Variants in ACOXL observed in about 807,000 individuals in gnomAD.
ACOXL encodes the protein acyl-coenzyme A oxidase-like protein.
ACOXL carries 70 observed loss-of-function variants against 71.9 expected under a neutral mutation model. The observed-to-expected ratio is 0.97, with a 90% CI of 0.80 to 1.19. ACOXL has a LOEUF of 1.19. Ranked by LOEUF, ACOXL falls within the 50% of genes most tolerant of loss-of-function variation. ACOXL has a pLI of 0.00. For missense variants in ACOXL, 703 were observed against 736.3 expected (o/e 0.95, Z 0.52); for synonymous variants, 253 against 281.6 (o/e 0.90, Z 1.02).
chr2:110,799,316 G>T (rs577363873), intron 7 of ACOXL, among the ~76,000 whole-genome samples: 1 of 152,322 alleles, frequency 6.6e-6, no homozygotes, highest in Admixed American at 6.5e-5. Flanking sequence ...ATTGGTCTCA[G>T]TTTCTTCCAG....
chr2:111,066,884 A>C lies in ACOXL; in HGVS notation c.1440+17596A>C, dbSNP rs549889902. On this transcript the variant is annotated intron_variant, in intron 16 of 17. Coordinates refer to ENST00000439055, the MANE Select transcript of ACOXL (RefSeq NM_001142807.4). ...GATATGAAATAATACAATTATACAT[A>C]AAACAAGACACAACTATAGGAAAAT... Among the ~76,000 whole-genome samples, 139 of 152,324 alleles carry C rather than the reference A, an allele frequency of 9.1e-4. 1 individual carries two copies. Among genetic ancestry groups the C allele is most frequent in the African/African-American group, 3.0e-3 (124 of 41,580 alleles).
chr2:110,839,971 G>GGTTTGTCGTTGTTGTT (rs1559329425), intron 9 of ACOXL, among the ~76,000 whole-genome samples: 1 of 149,638 alleles, frequency 6.7e-6, no homozygotes, highest in African/African-American at 2.5e-5. Context: ...ATGATGCTTA[G>GGTTTGTCGTTGTTGTT]GTTTGTTGTT....
chr2:111,033,504 C>A (rs190356960), intron 15 of ACOXL, among the ~76,000 whole-genome samples: 223 of 152,268 alleles, frequency 1.5e-3, no homozygotes, highest in Non-Finnish European at 1.8e-3. Context: ...CAGCTCGTGT[C>A]CTCAGGCCTG....
chr2:110,762,465 C>A (rs1422527831), intron 1 of ACOXL, among the ~76,000 whole-genome samples: 1 of 150,928 alleles, frequency 6.6e-6, no homozygotes, highest in Non-Finnish European at 1.5e-5. Flanking sequence ...TTTAGGATAC[C>A]GTCTTGATGT....
At chr2:110,812,112 T>C (rs1298810614) in intron 9 of ACOXL, among the ~76,000 whole-genome samples, 2 of 152,180 alleles carry the variant, frequency 1.3e-5, no homozygotes, top group African/African-American at 4.8e-5. Context: ...GCTGAGTAAT[T>C]GTTGGACTCA....
chr2:111,060,032 G>T (rs554832661), intron 16 of ACOXL, among the ~76,000 whole-genome samples: 1 of 152,270 alleles, frequency 6.6e-6, no homozygotes, highest in Non-Finnish European at 1.5e-5. Flanking sequence ...TGCCAGGAAA[G>T]GCCCAGTGGG....
intron 17 of ACOXL, among the ~76,000 whole-genome samples, chr2:111,111,418 G>A (rs1296277363): frequency 1.3e-5 from 2 of 152,180 alleles, no homozygotes; most frequent in Non-Finnish European, 2.9e-5. Context: ...TATGAGAAGT[G>A]TGCAGCTAAT....
At chr2:110,987,966 T>G (rs992692449) in intron 13 of ACOXL, among the ~76,000 whole-genome samples, 1 of 152,214 alleles carries the variant, frequency 6.6e-6, no homozygotes, top group Admixed American at 6.5e-5. Context: ...TAATTGACAT[T>G]ACTTAGAATA....
intron 12 of ACOXL, among the ~76,000 whole-genome samples, chr2:110,960,376 G>A (rs1160150810): frequency 6.6e-6 from 1 of 152,124 alleles, no homozygotes; most frequent in East Asian, 1.9e-4. Context: ...CCCTTCTCTG[G>A]GCACACGCCG....
intron 9 of ACOXL, among the ~76,000 whole-genome samples, chr2:110,818,578 T>C (rs1222910681): frequency 1.3e-5 from 2 of 151,630 alleles, no homozygotes; most frequent in African/African-American, 2.4e-5. Flanking sequence ...TATATGTATG[T>C]ATATATATAC....
chr2:111,026,994 T>G (rs981864153), intron 14 of ACOXL, among the ~76,000 whole-genome samples: 4 of 151,996 alleles, frequency 2.6e-5, no homozygotes, highest in Non-Finnish European at 5.9e-5. Context: ...CCTCTCAGGC[T>G]CAGGTGATAC....
chr2:111,098,060 A>G (rs2150039132), intron 17 of ACOXL, among the ~76,000 whole-genome samples: 1 of 152,370 alleles, frequency 6.6e-6, no homozygotes, highest in Non-Finnish European at 1.5e-5. Context: ...ATTAAGGTAC[A>G]TATCACCAGT....
At chr2:110,766,711 A>T (rs988180313) in intron 1 of ACOXL, among the ~76,000 whole-genome samples, 2 of 151,990 alleles carry the variant, frequency 1.3e-5, no homozygotes, top group African/African-American at 2.4e-5. Context: ...GGTCCTGCTG[A>T]TGGGGTGTTG....
At chr2:111,005,984 C>T (rs901978860) in intron 14 of ACOXL, among the ~76,000 whole-genome samples, 6 of 152,154 alleles carry the variant, frequency 3.9e-5, no homozygotes, top group African/African-American at 7.2e-5. Context: ...ACCAATACAG[C>T]GGTCTGAATG....
chr2:110,936,837 A>G (rs1574195119), intron 12 of ACOXL, among the ~76,000 whole-genome samples: 1 of 139,108 alleles, frequency 7.2e-6, no homozygotes, highest in Non-Finnish European at 1.6e-5. Flanking sequence ...TCTCTGAACC[A>G]CTTATTTTAG....
chr2:111,089,955 T>G (rs2068432727), intron 16 of ACOXL, among the ~76,000 whole-genome samples: 1 of 152,044 alleles, frequency 6.6e-6, no homozygotes, highest in African/African-American at 2.4e-5. Flanking sequence ...GGCCCAAGAG[T>G]TGAAACCAAG....
chr2:110,960,993 A>G (rs2061681604), intron 12 of ACOXL, among the ~76,000 whole-genome samples: 1 of 152,216 alleles, frequency 6.6e-6, no homozygotes, highest in South Asian at 2.1e-4. Context: ...GGGTCACCTC[A>G]GGGTCCCAAG....
chr2:110,849,781 A>AAACAAAG (rs1559342667), intron 10 of ACOXL, among the ~76,000 whole-genome samples: 27 of 147,662 alleles, frequency 1.8e-4, no homozygotes, highest in African/African-American at 6.4e-4. Context: ...AACAAACAAA[A>AAACAAAG]AACAGAACTA....
chr2:111,117,285 A>G (rs1487711436), intron 17 of ACOXL, among the ~76,000 whole-genome samples: 1 of 152,188 alleles, frequency 6.6e-6, no homozygotes, highest in Non-Finnish European at 1.5e-5. Flanking sequence ...GGGAGGAAGG[A>G]CCAAGGAGGG....
Sources: gnomAD v4.1 joint callset for allele counts (sites outside exome capture counted in the v4.1 genomes callset) on GRCh38, gnomAD v4.1.1 for gene constraint, MANE v1.5 for transcripts, NCBI Gene and HGNC (gene_info 2026-07-23, HGNC 2026-07-21) for gene names.